NAALADL2: variants seen among roughly 807,000 people sequenced by gnomAD.
NAALADL2 encodes inactive N-acetylated-alpha-linked acidic dipeptidase-like protein 2.
NAALADL2 carries 76 observed loss-of-function variants against 87.2 expected under a neutral mutation model. The ratio of observed to expected loss-of-function variants is 0.87; its 90% CI spans 0.72 to 1.05. The LOEUF (loss-of-function observed/expected upper bound fraction) is 1.05, where lower values mean the gene tolerates loss of function less well. Ranked by LOEUF, NAALADL2 falls within the 50% of genes least tolerant of loss-of-function variation. NAALADL2 has a pLI of 0.00. For synonymous variants in NAALADL2, 354 were observed against 331.0 expected, an observed-to-expected ratio of 1.07 and a Z score of -0.75; for missense variants, 1,089 against 945.8, an observed-to-expected ratio of 1.15 and a Z score of -1.99.
chr3:175,610,863 C>T (rs987869168), intron 10 of NAALADL2, among the ~76,000 whole-genome samples: 2 of 151,888 alleles, frequency 1.3e-5, no homozygotes, highest in South Asian at 4.1e-4. Context: ...GCTCATTGTT[C>T]TCGTTTAATA....
At chr3:174,776,350 A>T (rs953303669) in intron 3 of NAALADL2, among the ~76,000 whole-genome samples, 2 of 152,122 alleles carry the variant, frequency 1.3e-5, no homozygotes, top group African/African-American at 4.8e-5. Flanking sequence ...ATGACCACTC[A>T]CAGCACACTC....
At chr3:174,969,186 G>A (rs1389474588) in intron 1 of NAALADL2, among the ~76,000 whole-genome samples, 1 of 151,958 alleles carries the variant, frequency 6.6e-6, no homozygotes, top group Non-Finnish European at 1.5e-5. Flanking sequence ...TTATTTCCCA[G>A]AGACCTAGTT....
At chr3:175,768,647 T>C (rs1163930943) in intron 13 of NAALADL2, among the ~76,000 whole-genome samples, 1 of 152,132 alleles carries the variant, frequency 6.6e-6, no homozygotes, top group African/African-American at 2.4e-5. Flanking sequence ...GTCGGGAATT[T>C]GAGACCAGCA....
At chr3:174,676,512 C>T (rs949572763) in intron 2 of NAALADL2, among the ~76,000 whole-genome samples, 6 of 151,776 alleles carry the variant, frequency 4.0e-5, no homozygotes, top group South Asian at 2.1e-4. Context: ...TTATAATAGC[C>T]GTAGTTGTAT....
Position 175,544,958 on chromosome 3 carries a change from G to A in NAALADL2, c.1654-31083G>A, listed in dbSNP as rs1306827650. Among the ~76,000 whole-genome samples, 4 of 152,222 alleles carry A rather than the reference G, an allele frequency of 2.6e-5. No individual in the cohort carries two copies. The East Asian group carries it at 7.7e-4, about 29-fold the overall frequency. ...ATGAAATTAATACCCAAGGACAAAT[G>A]TACAAACACTCAAGATTCTTTCGAT... On this transcript the variant is annotated intron_variant, in intron 9 of 13. Transcript: ENST00000454872.
intron 1 of NAALADL2, among the ~76,000 whole-genome samples, chr3:174,490,435 G>T (rs1304100670): frequency 1.3e-5 from 2 of 152,008 alleles, no homozygotes; most frequent in East Asian, 1.9e-4. Context: ...TGGGCATGGG[G>T]TTTCTTTTTG....
At chr3:175,177,680 C>A (rs1337821841) in intron 2 of NAALADL2, among the ~76,000 whole-genome samples, 2 of 152,044 alleles carry the variant, frequency 1.3e-5, no homozygotes, top group Admixed American at 1.3e-4. Context: ...CAGGTAACAA[C>A]AAAAACCATA....
intron 2 of NAALADL2, among the ~76,000 whole-genome samples, chr3:175,209,949 C>G (rs1203897921): frequency 6.6e-6 from 1 of 151,606 alleles, no homozygotes; most frequent in South Asian, 2.1e-4. Context: ...ATATTATTAG[C>G]CTGTGATGGG....
chr3:175,190,479 C>G (rs924836588), intron 2 of NAALADL2, among the ~76,000 whole-genome samples: 2 of 152,074 alleles, frequency 1.3e-5, no homozygotes, highest in African/African-American at 4.8e-5. Context: ...ATATGCAAGT[C>G]AAAACCACAT....
intron 3 of NAALADL2, among the ~76,000 whole-genome samples, chr3:174,808,509 C>T (rs1291551209): frequency 2.0e-5 from 3 of 152,084 alleles, no homozygotes; most frequent in Non-Finnish European, 4.4e-5. Flanking sequence ...ATATATATTG[C>T]ATCATAGACA....
intron 13 of NAALADL2, among the ~76,000 whole-genome samples, chr3:175,789,109 C>T (rs958221208): frequency 2.6e-5 from 4 of 152,156 alleles, no homozygotes; most frequent in Admixed American, 6.5e-5. Context: ...TGAAACTGTT[C>T]AATCACTCGC....
chr3:175,747,842 GACA>G (rs1445064424), intron 12 of NAALADL2, among the ~76,000 whole-genome samples: 9 of 152,186 alleles, frequency 5.9e-5, no homozygotes, highest in Admixed American at 3.3e-4. Flanking sequence ...GTAACCCAGT[GACA>G]ACATCTATAG....
chr3:175,134,553 C>A (rs1304235249), intron 2 of NAALADL2, among the ~76,000 whole-genome samples: 2 of 152,034 alleles, frequency 1.3e-5, no homozygotes, highest in African/African-American at 4.8e-5. Context: ...ACCCTTACAC[C>A]TAAATATTAC....
intron 1 of NAALADL2, among the ~76,000 whole-genome samples, chr3:174,905,420 A>T (rs537118468): frequency 6.6e-6 from 1 of 150,914 alleles, no homozygotes; most frequent in Non-Finnish European, 1.5e-5. Flanking sequence ...AAGTTTCACA[A>T]TTCATGTATT....
chr3:174,754,104 A>G (rs530987360), intron 3 of NAALADL2, among the ~76,000 whole-genome samples: 48 of 152,168 alleles, frequency 3.2e-4, no homozygotes, highest in Non-Finnish European at 6.5e-4. Context: ...TTGAGCTAAG[A>G]CATTCAATTT....
Position 174,989,473 on chromosome 3 carries a change from T to C in NAALADL2, c.44-107317T>C, listed in dbSNP as rs543458969. 4.6e-5 allele frequency among the ~76,000 whole-genome samples: 7 copies of C among 152,322 alleles called. No individual in the cohort carries two copies. The South Asian group carries it at 1.5e-3, about 32-fold the overall frequency. ...TTAGTAAAGAGAAGGAAGAAAATAT[T>C]GTAATGAACAATTAGTTGGAAAAAA... is the stretch of plus-strand genomic sequence containing the variant. On this transcript the variant is annotated intron_variant, in intron 1 of 13. Coordinates refer to ENST00000454872, the MANE Select transcript of NAALADL2 (RefSeq NM_207015.3).
chr3:175,004,376 CAAAAAAAAAAAAAA>C lies in NAALADL2; in HGVS notation c.44-92398_44-92385del, dbSNP rs538715061. Among the ~76,000 whole-genome samples, 18 of 33,854 alleles carry C rather than the reference CAAAAAAAAAAAAAA, an allele frequency of 5.3e-4. No homozygotes were observed. In the South Asian group the frequency reaches 6.9e-3, roughly 13 times the overall value. 22.2% of individuals were successfully genotyped at this position (33,854 alleles called of 152,430 possible). A position where few individuals can be genotyped will look rare whatever the true frequency, so the allele number is the denominator to read the frequency against. On this transcript the variant is annotated intron_variant, in intron 1 of 13. Coordinates refer to ENST00000454872, the MANE Select transcript of NAALADL2 (RefSeq NM_207015.3). ...CCTGGGTGACAGAGTGAGACTATTT[CAAAAAAAAAAAAAA>C]AAAAAAAAAAAAAAAGCCAAAAACA... is the stretch of plus-strand genomic sequence containing the variant.
At chr3:174,639,144 T>A (rs1722931521) in intron 2 of NAALADL2, among the ~76,000 whole-genome samples, 1 of 152,252 alleles carries the variant, frequency 6.6e-6, no homozygotes, top group African/African-American at 2.4e-5. Context: ...CTTACTCAAC[T>A]TTTGAATTTT....
chr3:174,994,867 G>C lies in NAALADL2; in HGVS notation c.44-101923G>C, dbSNP rs372470029. 6.6e-5 allele frequency among the ~76,000 whole-genome samples: 10 copies of C among 152,090 alleles called. No individual in the cohort carries two copies. The East Asian group carries it at 1.7e-3, about 26-fold the overall frequency. ...TTACAACATATTTCTTTTATTATCT[G>C]CTTAAGTTGGTCAACTGCTCTCTTC... On this transcript the variant is annotated intron_variant, in intron 1 of 13. Coordinates refer to ENST00000454872, the MANE Select transcript of NAALADL2 (RefSeq NM_207015.3).
Sources: gnomAD v4.1 joint callset for allele counts (sites outside exome capture counted in the v4.1 genomes callset) on GRCh38, gnomAD v4.1.1 for gene constraint, MANE v1.5 for transcripts, NCBI Gene and HGNC (gene_info 2026-07-23, HGNC 2026-07-21) for gene names.